Variants in LARP1 observed in about 807,000 individuals in gnomAD.
The protein encoded by LARP1 is la-related protein 1.
In LARP1, 36 loss-of-function variants were observed where a neutral mutation model predicts 122.7. That is an observed-to-expected ratio of 0.29 (90% CI 0.22 to 0.39). The LOEUF (loss-of-function observed/expected upper bound fraction) is 0.39, where lower values mean the gene tolerates loss of function less well. LARP1 is among the 10% of genes least tolerant of loss of function. The probability of loss-of-function intolerance (pLI) is 1.00; values close to 1 mark genes in which losing one functional copy is unlikely to be tolerated. For missense variants in LARP1, 1,040 were observed against 1,403.6 expected, an observed-to-expected ratio of 0.74 and a Z score of 4.14; for synonymous variants, 539 against 528.7, an observed-to-expected ratio of 1.02 and a Z score of -0.27.
intron 1 of LARP1, among the ~76,000 whole-genome samples, chr5:154,731,468 A>T (rs186930032): frequency 1.3e-5 from 2 of 152,240 alleles, no homozygotes; most frequent in Admixed American, 1.3e-4. Context: ...CACCCCCTAG[A>T]GCAAAAACAC....
chr5:154,756,796 C>A (rs1753963601), intron 1 of LARP1, among the ~76,000 whole-genome samples: 2 of 152,050 alleles, frequency 1.3e-5, no homozygotes, highest in Non-Finnish European at 2.9e-5. Context: ...GGAGAAGAAA[C>A]CCATCGTGTC....
chr5:154,705,309 A>C (rs1754898964), intron 1 of LARP1, among the ~76,000 whole-genome samples: 1 of 152,166 alleles, frequency 6.6e-6, no homozygotes, highest in East Asian at 1.9e-4. Flanking sequence ...GGCTAGTCTG[A>C]AGATAGTGAG....
intron 1 of LARP1, among the ~76,000 whole-genome samples, chr5:154,722,315 T>C (rs4117784): frequency 0.8 from 121,074 of 152,006 alleles, 48,479 homozygotes; most frequent in African/African-American, 0.87. Flanking sequence ...TTTCATTACC[T>C]AGACAATAGT....
intron 1 of LARP1, among the ~76,000 whole-genome samples, chr5:154,717,014 C>G (rs1265170066): frequency 6.8e-6 from 1 of 147,454 alleles, no homozygotes; most frequent in Non-Finnish European, 1.5e-5. Context: ...TAGCCAAGAT[C>G]AAGCTGCTGT....
intron 1 of LARP1, among the ~76,000 whole-genome samples, chr5:154,773,737 AAAGGCCTTCCAC>A (rs1755632346): frequency 1.3e-5 from 2 of 152,218 alleles, no homozygotes; most frequent in South Asian, 4.1e-4. Context: ...GAGGGTGGGC[AAAGGCCTTCCAC>A]TTGGTTTGTC....
At chr5:154,765,500 T>C (rs7723269) in intron 1 of LARP1, among the ~76,000 whole-genome samples, 24,462 of 152,130 alleles carry the variant, frequency 0.16, 2,512 homozygotes, top group African/African-American at 0.29. Flanking sequence ...AAGTGATCCT[T>C]CCACCTCAGC....
intron 1 of LARP1, among the ~76,000 whole-genome samples, chr5:154,715,052 C>T (rs1342106676): frequency 6.6e-6 from 1 of 151,584 alleles, no homozygotes; most frequent in Non-Finnish European, 1.5e-5. Context: ...GAGTGGTGGG[C>T]ACCTGTAATC....
chr5:154,718,309 A>G (rs914846594), intron 1 of LARP1: 1 of 152,170 alleles, frequency 6.6e-6, no homozygotes, highest in Non-Finnish European at 1.5e-5. Flanking sequence ...AATATCAGAG[A>G]TGGAAATGTG....
intron 1 of LARP1, among the ~76,000 whole-genome samples, chr5:154,689,730 G>A (rs972440917): frequency 6.6e-6 from 1 of 152,064 alleles, no homozygotes; most frequent in African/African-American, 2.4e-5. Flanking sequence ...TTGCCTAAAT[G>A]GATAAAATTA....
chr5:154,763,314 G>A (rs1444295677), intron 1 of LARP1, among the ~76,000 whole-genome samples: 1 of 151,874 alleles, frequency 6.6e-6, no homozygotes, highest in Admixed American at 6.6e-5. Context: ...TGCCCACTTC[G>A]GCCTCCCAAA....
intron 1 of LARP1, among the ~76,000 whole-genome samples, chr5:154,784,563 C>T (rs1458556656): frequency 6.6e-6 from 1 of 152,220 alleles, no homozygotes; most frequent in East Asian, 1.9e-4. Context: ...ATTTTCCTGG[C>T]AGTGTTCAGG....
chr5:154,811,687 T>C lies in LARP1; in HGVS notation c.3081+47T>C, dbSNP rs1212869528. The C allele has an allele frequency of 2.5e-6, 4 of 1,609,828 alleles. No homozygotes were observed. The East Asian group carries it at 6.7e-5, about 27-fold the overall frequency. On this transcript the variant is annotated intron_variant, in intron 18 of 18. Coordinates refer to ENST00000518297, the MANE Select transcript of LARP1 (RefSeq NM_033551.3). ...ACTCTGCTTGTCCTGGAAAGAAAAC[T>C]GGACCAGGAATCAGGATACTTGGAT...
In LARP1 at chr5:154,800,104, A is replaced by G. The variant is rs1036070735; in HGVS notation, c.1716+62A>G. 4 of 1,482,766 alleles carry G rather than the reference A, an allele frequency of 2.7e-6. No homozygotes were observed. In the Admixed American group the frequency reaches 7.2e-5, roughly 27 times the overall value. The allele number at this position is 1,482,766 out of a possible 1,614,324, so 91.9% of individuals were successfully genotyped here. A position where few individuals can be genotyped will look rare whatever the true frequency, so the allele number is the denominator to read the frequency against. ...CTCTGAGCTAGGGTGCTTGAAGGGG[A>G]TAACACATGGGCACAGCACTCTAGC... On this transcript the variant is annotated intron_variant, in intron 10 of 18. Transcript: ENST00000518297.
At chr5:154,809,723 G>T in intron 16 of LARP1, among the ~76,000 whole-genome samples, 1 of 135,362 alleles carries the variant, frequency 7.4e-6, no homozygotes, top group Non-Finnish European at 1.6e-5. Flanking sequence ...TTTTTGAGGT[G>T]GAGTCTCGCT....
At chr5:154,705,980 A>G (rs1277671244) in intron 1 of LARP1, among the ~76,000 whole-genome samples, 2 of 152,184 alleles carry the variant, frequency 1.3e-5, no homozygotes, top group African/African-American at 2.4e-5. Context: ...ATGCCCACCA[A>G]CGGTGGACTG....
intron 1 of LARP1, among the ~76,000 whole-genome samples, chr5:154,722,027 T>G (rs1254792162): frequency 3.3e-5 from 5 of 152,216 alleles, no homozygotes; most frequent in African/African-American, 1.2e-4. Flanking sequence ...TGGCATTATC[T>G]TTGGCCTTCA....
intron 1 of LARP1, among the ~76,000 whole-genome samples, chr5:154,693,673 A>G (rs892664473): frequency 3.3e-5 from 5 of 151,968 alleles, no homozygotes; most frequent in Non-Finnish European, 7.4e-5. Flanking sequence ...GGCTAACACA[A>G]TGAAACCCCG....
intron 15 of LARP1, among the ~76,000 whole-genome samples, chr5:154,807,829 C>T (rs1582480874): frequency 1.3e-5 from 2 of 152,330 alleles, no homozygotes; most frequent in South Asian, 4.1e-4. Flanking sequence ...GCTGGAATTA[C>T]AGACGTGAGC....
At chr5:154,800,276 G>A (rs932501396) in intron 10 of LARP1, among the ~76,000 whole-genome samples, 4 of 152,250 alleles carry the variant, frequency 2.6e-5, no homozygotes, top group African/African-American at 4.8e-5. Flanking sequence ...TGAGTTCCTC[G>A]GTGACATTTT....
Sources: allele counts gnomAD v4.1 joint callset (sites outside exome capture counted in the v4.1 genomes callset), GRCh38; gene constraint gnomAD v4.1.1; transcripts MANE v1.5; gene names NCBI Gene and HGNC (gene_info 2026-07-23, HGNC 2026-07-21).